MPP4: variants seen among roughly 807,000 people sequenced by gnomAD.
MPP4 encodes the protein MAGUK p55 scaffold protein 4.
A neutral mutation model predicts 98.3 loss-of-function variants in MPP4; 91 were observed. The observed-to-expected ratio is 0.93, with a 90% CI of 0.78 to 1.10. The LOEUF (loss-of-function observed/expected upper bound fraction) is 1.10, where lower values mean the gene tolerates loss of function less well. MPP4 is among the 50% of genes least tolerant of loss of function. The pLI is 0.00. For missense variants in MPP4, 744 were observed against 792.9 expected, an observed-to-expected ratio of 0.94 and a Z score of 0.74; for synonymous variants, 261 against 271.8, an observed-to-expected ratio of 0.96 and a Z score of 0.39.
At chr2:201,676,637 C>T (rs563666995) in intron 10 of MPP4, among the ~76,000 whole-genome samples, 7 of 152,318 alleles carry the variant, frequency 4.6e-5, no homozygotes, top group Middle Eastern at 3.4e-3. Context: ...TGGTGGCTCA[C>T]GCCTGTAATC....
At chr2:201,649,551 CAT>C in intron 20 of MPP4, 23 bp downstream of exon 20, 1 of 1,524,188 alleles carries the variant, frequency 6.6e-7, no homozygotes, top group Non-Finnish European at 9.0e-7. Flanking sequence ...TGTTTGGGGA[CAT>C]AAATATTCCA....
intron 17 of MPP4, among the ~76,000 whole-genome samples, chr2:201,655,171 C>G (rs1217851264): frequency 6.6e-6 from 1 of 152,230 alleles, no homozygotes; most frequent in African/African-American, 2.4e-5. Flanking sequence ...TGACCCCCAG[C>G]AAACTTCATC....
chr2:201,681,432 A>G lies in MPP4; in HGVS notation c.732+64T>C, dbSNP rs986212909. On this transcript the variant is annotated intron_variant, in intron 9 of 21. Coordinates refer to ENST00000409474, the MANE Select transcript of MPP4 (RefSeq NM_033066.3). ...ACAAAGGATAGGATTATTACGCATC[A>G]TATTTAGTTGCTGTTACTTGGGGAT... is the stretch of plus-strand genomic sequence containing the variant. The G allele has an allele frequency of 6.3e-6, 8 of 1,269,872 alleles. No individual in the cohort carries two copies. In the African/African-American group the frequency reaches 1.2e-4, roughly 19 times the overall value. 78.7% of individuals were successfully genotyped at this position (1,269,872 alleles called of 1,614,324 possible).
At chr2:201,646,059 T>C (rs984084326) in intron 21 of MPP4, among the ~76,000 whole-genome samples, 7 of 152,214 alleles carry the variant, frequency 4.6e-5, no homozygotes, top group African/African-American at 1.7e-4. Context: ...ACAAAACTTA[T>C]GTTTTAATCT....
At chr2:201,663,593 G>A (rs1295447565) in intron 14 of MPP4, among the ~76,000 whole-genome samples, 1 of 152,206 alleles carries the variant, frequency 6.6e-6, no homozygotes, top group African/African-American at 2.4e-5. Flanking sequence ...GCATGGGACT[G>A]TAGTCCCAGC....
At chr2:201,662,166 A>T in intron 14 of MPP4, 1 of 227,818 alleles carries the variant, frequency 4.4e-6, no homozygotes, top group Non-Finnish European at 8.8e-6. Context: ...CACACATGTA[A>T]TTTTAAAAAT....
At chr2:201,675,132 A>T in intron 11 of MPP4, 75 bp downstream of exon 11, 1 of 1,453,716 alleles carries the variant, frequency 6.9e-7, no homozygotes, top group Non-Finnish European at 9.5e-7. Context: ...CACATCAATT[A>T]GACTCTTTAT....
intron 18 of MPP4, chr2:201,651,886 G>A: frequency 2.3e-6 from 1 of 430,104 alleles, no homozygotes; most frequent in Non-Finnish European, 3.1e-6. Context: ...CCCAGGAGGT[G>A]AGGTTGTAGT....
rs762762628 is a variant in MPP4 at position 201,685,094 on chromosome 2, T to C, written c.544A>G (p.Ile182Val). ...CTCTCCGCCAGCCCACCGTGGATGA[T>C]CCTGGCCACCAAGATGTCCCCTGTC... is the stretch of plus-strand genomic sequence containing the variant. ...EMTGDILVAR[I>V]IHGGLAERSG... Residue 182 changes from isoleucine to valine, a missense_variant, in exon 7 of 22, where the codon ATC (isoleucine) becomes GTC (valine). Coordinates refer to ENST00000409474, the MANE Select transcript of MPP4 (RefSeq NM_033066.3). 7 of 1,612,132 alleles carry C rather than the reference T, an allele frequency of 4.3e-6. No individual in the cohort carries two copies. Among genetic ancestry groups the C allele is most frequent in the Non-Finnish European group, 5.9e-6 (7 of 1,179,252 alleles).
At chr2:201,684,311 A>T (rs535835583) in intron 7 of MPP4, among the ~76,000 whole-genome samples, 1 of 152,180 alleles carries the variant, frequency 6.6e-6, no homozygotes, top group Non-Finnish European at 1.5e-5. Context: ...GCATTTCAAG[A>T]TGGGAAAGAG....
chr2:201,656,822 T>G (rs1436147050), intron 16 of MPP4, among the ~76,000 whole-genome samples: 2 of 152,206 alleles, frequency 1.3e-5, no homozygotes, highest in Non-Finnish European at 2.9e-5. Context: ...TCAGGAAGCC[T>G]CTGCAGAGAC....
At chr2:201,668,258 A>G (rs904655544) in intron 12 of MPP4, among the ~76,000 whole-genome samples, 2 of 152,118 alleles carry the variant, frequency 1.3e-5, no homozygotes, top group African/African-American at 2.4e-5. Flanking sequence ...CAGCTAGGAT[A>G]ATGTACTGAA....
intron 8 of MPP4, 98 bp from the exon 9 acceptor site, chr2:201,681,665 T>C (rs1230012391): frequency 3.4e-6 from 3 of 875,560 alleles, no homozygotes; most frequent in African/African-American, 1.7e-5. Flanking sequence ...CCAGGTCTCA[T>C]GGTAAAATCC....
At chr2:201,669,885 T>C (rs1673128995) in intron 11 of MPP4, 135 bp from the exon 12 acceptor site, 2 of 614,140 alleles carry the variant, frequency 3.3e-6, no homozygotes, top group Non-Finnish European at 4.9e-6. Flanking sequence ...GTTTATTCTC[T>C]AGAAATTCAG....
intron 5 of MPP4, 32 bp from the exon 6 acceptor site, chr2:201,686,082 G>A (rs372495015): frequency 2.4e-5 from 38 of 1,605,376 alleles, no homozygotes; most frequent in Non-Finnish European, 3.0e-5. Context: ...GTGAGCAAAT[G>A]TCACACATGG....
chr2:201,655,782 A>G (rs753179332), intron 17 of MPP4, among the ~76,000 whole-genome samples: 6 of 152,240 alleles, frequency 3.9e-5, no homozygotes, highest in Non-Finnish European at 8.8e-5. Flanking sequence ...AGTAGTTACA[A>G]ATTTCTTAGG....
Position 201,645,054 on chromosome 2 carries a change from C to A in MPP4, c.*156G>T, listed in dbSNP as rs1040661454. 8 of 596,238 alleles carry A rather than the reference C, an allele frequency of 1.3e-5. No homozygotes were observed. The East Asian group carries it at 1.9e-4, about 14-fold the overall frequency. 36.9% of individuals were successfully genotyped at this position (596,238 alleles called of 1,614,324 possible). A position where few individuals can be genotyped will look rare whatever the true frequency, so the allele number is the denominator to read the frequency against. On this transcript the variant is annotated 3_prime_UTR_variant, in exon 22 of 22. Transcript: ENST00000409474. ...TAAAATAGGTAACCACATAACCATACAATAAAAATTTTTTTCAAATAAGAT... is the reference window on the plus strand; with the variant it reads ...TAAAATAGGTAACCACATAACCATAAAATAAAAATTTTTTTCAAATAAGAT...
intron 16 of MPP4, 104 bp from the exon 17 acceptor site, chr2:201,656,472 T>C (rs918474017): frequency 3.2e-5 from 37 of 1,139,088 alleles, no homozygotes; most frequent in Middle Eastern, 6.1e-4. Flanking sequence ...AAGTGTTCAT[T>C]AATATAGTCA....
At chr2:201,664,322 G>A in intron 13 of MPP4, 1 of 1,449,778 alleles carries the variant, frequency 6.9e-7, no homozygotes, top group Non-Finnish European at 9.2e-7. Context: ...ATGACAGTCA[G>A]GGGTGCAGCA....
Sources: gnomAD v4.1 joint callset for allele counts (sites outside exome capture counted in the v4.1 genomes callset) on GRCh38, gnomAD v4.1.1 for gene constraint, MANE v1.5 for transcripts, NCBI Gene and HGNC (gene_info 2026-07-23, HGNC 2026-07-21) for gene names.